SH3PXD2A: variants seen among roughly 807,000 people sequenced by gnomAD.
SH3PXD2A encodes SH3 and PX domain-containing protein 2A.
Under a neutral mutation model 115.2 loss-of-function variants are expected in SH3PXD2A, and 32 were observed. The observed-to-expected ratio is 0.28, with a 90% CI of 0.21 to 0.37. The LOEUF (loss-of-function observed/expected upper bound fraction) is 0.37, where lower values mean the gene tolerates loss of function less well. Ranked by LOEUF, SH3PXD2A falls within the 10% of genes least tolerant of loss-of-function variation. The pLI, the probability that SH3PXD2A is intolerant of heterozygous loss-of-function variation, is 1.00. For synonymous variants in SH3PXD2A, 610 were observed against 629.1 expected, an observed-to-expected ratio of 0.97 and a Z score of 0.45; for missense variants, 1,328 against 1,498.7, an observed-to-expected ratio of 0.89 and a Z score of 1.88.
At chr10:103,850,796 A>C (rs1842889691) in intron 1 of SH3PXD2A, among the ~76,000 whole-genome samples, 3 of 152,162 alleles carry the variant, frequency 2.0e-5, no homozygotes, top group African/African-American at 7.2e-5. Context: ...CTTTTCTCTC[A>C]GATTGACCGA....
chr10:103,744,018 G>T (rs560558861), intron 3 of SH3PXD2A, among the ~76,000 whole-genome samples: 2 of 152,312 alleles, frequency 1.3e-5, no homozygotes, highest in South Asian at 4.1e-4. Context: ...GCCTCTACTG[G>T]CTCCCCTGTC....
At chr10:103,702,568 C>T (rs1482654595) in intron 5 of SH3PXD2A, among the ~76,000 whole-genome samples, 1 of 113,166 alleles carries the variant, frequency 8.8e-6, no homozygotes, top group African/African-American at 3.3e-5. Context: ...GGTGCAGGGG[C>T]AGGAACAGAT....
At chr10:103,772,414 C>T (rs538479716) in intron 2 of SH3PXD2A, among the ~76,000 whole-genome samples, 57 of 152,300 alleles carry the variant, frequency 3.7e-4, no homozygotes, top group Admixed American at 1.0e-3. Flanking sequence ...GAGAGTTCTC[C>T]GGGACCACCT....
intron 2 of SH3PXD2A, among the ~76,000 whole-genome samples, chr10:103,778,272 C>T (rs2038899285): frequency 6.6e-6 from 1 of 152,172 alleles, no homozygotes; most frequent in African/African-American, 2.4e-5. Context: ...GCGGAGTTTG[C>T]AGTGAACCGA....
intron 3 of SH3PXD2A, among the ~76,000 whole-genome samples, chr10:103,763,289 A>G (rs1328305199): frequency 6.6e-6 from 1 of 152,222 alleles, no homozygotes. Flanking sequence ...CAGCTGGCCT[A>G]ACACTCCAAG....
rs149386041 is a variant in SH3PXD2A at position 103,668,648 on chromosome 10, C to T, written c.432G>A (p.Trp144Ter). 10 of 1,560,402 alleles carry T rather than the reference C, an allele frequency of 6.4e-6. No individual in the cohort carries two copies. The highest frequency in any genetic ancestry group is 8.7e-6 in the Non-Finnish European group (10 of 1,151,974). The change falls in exon 7 of 15, where the codon TGG (tryptophan) becomes TGA (stop). Residue 144 changes from tryptophan (W) to a stop codon, truncating the protein, a stop_gained. Transcript: ENST00000369774. LOFTEE classifies it high-confidence loss of function. ...TGGGCGACTCAGCCCAGCTGGACAG[C>T]CACACTTCCGAGTCCCCGAGAGCAA... Reference protein sequence around the residue: ...DYGSSKRKSVWLSSWAESPKK... With the variant: ...DYGSSKRKSV
chr10:103,623,882 G>A (rs1463010710), intron 9 of SH3PXD2A, among the ~76,000 whole-genome samples: 1 of 152,228 alleles, frequency 6.6e-6, no homozygotes, highest in African/African-American at 2.4e-5. Flanking sequence ...CAGAGATGAA[G>A]GGGTTCAGCT....
At chr10:103,619,411 T>C (rs1369246750) in intron 10 of SH3PXD2A, among the ~76,000 whole-genome samples, 1 of 152,242 alleles carries the variant, frequency 6.6e-6, no homozygotes, top group African/African-American at 2.4e-5. Context: ...CTCCACATTT[T>C]GCCTTTGTTC....
intron 2 of SH3PXD2A, among the ~76,000 whole-genome samples, chr10:103,779,115 C>T (rs2038908244): frequency 6.6e-6 from 1 of 152,222 alleles, no homozygotes; most frequent in Non-Finnish European, 1.5e-5. Context: ...GTCGCCCAGG[C>T]TGGAGTGTAC....
rs1203707949 is a variant in SH3PXD2A, at chr10:103,602,282, G to A, written c.2936C>T (p.Pro979Leu). Residue 979 changes from proline (P) to leucine (L), a missense_variant, in exon 15 of 15, where the codon CCC becomes CTC. Coordinates refer to ENST00000369774, the MANE Select transcript of SH3PXD2A (RefSeq NM_001394015.1). ...RNGVRQVAVR[P>L]QSVFVSPPPK... is the part of the protein sequence containing the mutation. ...TGGCGGGGACACAAACACCGACTGGGGCCTGACCGCCACCTGCCGCACTCC... is the reference window on the plus strand; with the variant it reads ...TGGCGGGGACACAAACACCGACTGGAGCCTGACCGCCACCTGCCGCACTCC... 2 of 1,613,272 alleles carry A rather than the reference G, an allele frequency of 1.2e-6. No individual in the cohort carries two copies. The highest frequency in any genetic ancestry group is 2.7e-5 in the African/African-American group (2 of 74,912).
chr10:103,714,588 G>A (rs2038083889), intron 5 of SH3PXD2A, among the ~76,000 whole-genome samples: 1 of 152,244 alleles, frequency 6.6e-6, no homozygotes, highest in Non-Finnish European at 1.5e-5. Flanking sequence ...GTTGGACACA[G>A]CTTCCTGTGG....
intron 8 of SH3PXD2A, among the ~76,000 whole-genome samples, chr10:103,645,040 A>T (rs1189295398): frequency 6.6e-6 from 1 of 152,122 alleles, no homozygotes; most frequent in African/African-American, 2.4e-5. Context: ...CGTCCTTCAA[A>T]GCCACTAACT....
intron 8 of SH3PXD2A, among the ~76,000 whole-genome samples, chr10:103,656,298 T>C (rs1468935933): frequency 6.6e-6 from 1 of 152,248 alleles, no homozygotes; most frequent in Non-Finnish European, 1.5e-5. Flanking sequence ...GGACCAGGGC[T>C]GGACACCCGA....
intron 5 of SH3PXD2A, among the ~76,000 whole-genome samples, chr10:103,702,617 G>GTGTGTGTGT (rs1554913283): frequency 1.3e-5 from 2 of 152,050 alleles, no homozygotes; most frequent in African/African-American, 2.4e-5. Context: ...GTGTGTGCAT[G>GTGTGTGTGT]CTGGGTGCGG....
In SH3PXD2A at chr10:103,666,949, C is replaced by T. The variant is rs1305146399; in HGVS notation, c.472+1659G>A. ...TGCCCCTCCCAGACCCTACCTTCAG[C>T]AGGTAACGGGTACTTGCCAGCTGGA... On this transcript the variant is annotated intron_variant, in intron 7 of 14. Coordinates refer to ENST00000369774, the MANE Select transcript of SH3PXD2A (RefSeq NM_001394015.1). This position sits in a 1 kb window ranked among gnomAD's most constrained non-coding sequence, Gnocchi z 4.5. Among the ~76,000 whole-genome samples the T allele has an allele frequency of 6.6e-6, 1 of 152,180 alleles. No homozygotes were observed. The highest frequency in any genetic ancestry group is 1.5e-5 in the Non-Finnish European group (1 of 68,026).
At chr10:103,624,531 C>T (rs2036661343) in intron 9 of SH3PXD2A, among the ~76,000 whole-genome samples, 1 of 152,214 alleles carries the variant, frequency 6.6e-6, no homozygotes, top group Non-Finnish European at 1.5e-5. Context: ...CCCTTCCTAC[C>T]ATACTGAACT....
rs75904154 is a variant in SH3PXD2A, at chr10:103,711,230, C to G, written c.398+13040G>C. Reference sequence around the variant, plus strand: ...TGATAATCAGCTCCTCATGCACTTTCTGCTAAACAGCTGAGCTGCCAGAAC... The same window carrying G: ...TGATAATCAGCTCCTCATGCACTTTGTGCTAAACAGCTGAGCTGCCAGAAC... On this transcript the variant is annotated intron_variant, in intron 5 of 14. Coordinates refer to ENST00000369774, the MANE Select transcript of SH3PXD2A (RefSeq NM_001394015.1). Among the ~76,000 whole-genome samples the G allele has an allele frequency of 2.6e-3, 401 of 152,354 alleles. 3 individuals carry two copies. The highest frequency in any genetic ancestry group is 9.0e-3 in the African/African-American group (373 of 41,590).
intron 8 of SH3PXD2A, among the ~76,000 whole-genome samples, chr10:103,630,769 A>G (rs2036767639): frequency 6.6e-6 from 1 of 151,100 alleles, no homozygotes; most frequent in African/African-American, 2.4e-5. Flanking sequence ...AAAAAAAGGA[A>G]AAAGATAAAA....
chr10:103,796,859 C>CTT (rs11352709), intron 2 of SH3PXD2A, among the ~76,000 whole-genome samples: 77 of 114,116 alleles, frequency 6.7e-4, no homozygotes, highest in African/African-American at 2.1e-3. Flanking sequence ...TTTGGAACAT[C>CTT]TTTTTTTTTT....
Sources: allele counts gnomAD v4.1 joint callset (sites outside exome capture counted in the v4.1 genomes callset), GRCh38; gene constraint gnomAD v4.1.1; non-coding constraint Gnocchi (gnomAD v3.1); transcripts MANE v1.5; gene names NCBI Gene and HGNC (gene_info 2026-07-23, HGNC 2026-07-21).